PPM1H: variants seen among roughly 807,000 people sequenced by gnomAD.
The protein encoded by PPM1H is protein phosphatase 1H.
Under a neutral mutation model 54.9 loss-of-function variants are expected in PPM1H, and 27 were observed. The observed-to-expected ratio is 0.49, with a 90% CI of 0.36 to 0.68. The LOEUF (loss-of-function observed/expected upper bound fraction) is 0.68, where lower values mean the gene tolerates loss of function less well. PPM1H is among the 30% of genes least tolerant of loss of function. The probability of loss-of-function intolerance (pLI) is 0.00; values close to 1 mark genes in which losing one functional copy is unlikely to be tolerated. For synonymous variants in PPM1H, 305 were observed against 270.8 expected, an observed-to-expected ratio of 1.13 and a Z score of -1.24; for missense variants, 596 against 667.8, an observed-to-expected ratio of 0.89 and a Z score of 1.19.
At chr12:62,910,725 C>T (rs576707370) in intron 1 of PPM1H, among the ~76,000 whole-genome samples, 1 of 152,288 alleles carries the variant, frequency 6.6e-6, no homozygotes, top group African/African-American at 2.4e-5. Context: ...ACGGTCACCA[C>T]CTCCTGCCTG....
chr12:62,658,125 G>C (rs1565746885), intron 9 of PPM1H, among the ~76,000 whole-genome samples: 2 of 147,036 alleles, frequency 1.4e-5, no homozygotes, highest in African/African-American at 5.0e-5. Flanking sequence ...CCAGCACTTT[G>C]GGAGGCCAAG....
At position 62,726,675 on chromosome 12, in the gene PPM1H, C is replaced by T. The variant is rs542724853; in HGVS notation, c.955-6386G>A. Among the ~76,000 whole-genome samples, 9 of 152,256 alleles carry T rather than the reference C, an allele frequency of 5.9e-5. No homozygotes were observed. In the South Asian group the frequency reaches 1.7e-3, roughly 28 times the overall value. ...AGCGCAGAGATGTTTTGTCCGCAAA[C>T]GCAGAGTGGCCAAACAACTTGGTGA... On this transcript the variant is annotated intron_variant, in intron 5 of 9. Transcript: ENST00000228705.
At chr12:62,697,330 C>T (rs1483037746) in intron 6 of PPM1H, among the ~76,000 whole-genome samples, 1 of 152,098 alleles carries the variant, frequency 6.6e-6, no homozygotes, top group Non-Finnish European at 1.5e-5. Context: ...GTTGACCAGG[C>T]TGGTCCTGAA....
At position 62,645,134 on chromosome 12, in the gene PPM1H, T is replaced by TACTA. The variant is rs1187610236; in HGVS notation, c.*3351_*3354dup. The TACTA allele has an allele frequency of 4.6e-5, 7 of 152,320 alleles. No individual in the cohort carries two copies. The East Asian group carries it at 1.4e-3, about 29-fold the overall frequency. 9.4% of individuals were successfully genotyped at this position (152,320 alleles called of 1,614,324 possible). ...GGGAGATTTGTCCCTAATGTTTTCA[T>TACTA]ACTAGTGCTCTTGTTAAATGGAAAA... On this transcript the variant is annotated 3_prime_UTR_variant, in exon 10 of 10. Transcript: ENST00000228705.
At chr12:62,774,693 A>C (rs1466725551) in intron 4 of PPM1H, among the ~76,000 whole-genome samples, 1 of 152,174 alleles carries the variant, frequency 6.6e-6, no homozygotes, top group Non-Finnish European at 1.5e-5. Flanking sequence ...ATAATGATTG[A>C]AAGTTTTGAC....
intron 5 of PPM1H, among the ~76,000 whole-genome samples, chr12:62,736,451 C>T (rs994601672): frequency 1.3e-5 from 2 of 152,156 alleles, no homozygotes; most frequent in Non-Finnish European, 2.9e-5. Context: ...TAGAAAGCAA[C>T]AGTAGGTGAA....
chr12:62,737,151 G>A (rs2076353826), intron 5 of PPM1H, among the ~76,000 whole-genome samples: 2 of 151,290 alleles, frequency 1.3e-5, no homozygotes, highest in African/African-American at 4.9e-5. Flanking sequence ...AAAGTGAGTA[G>A]CGGGCCATGG....
At chr12:62,723,968 T>C (rs1284656677) in intron 5 of PPM1H, among the ~76,000 whole-genome samples, 1 of 152,100 alleles carries the variant, frequency 6.6e-6, no homozygotes. Flanking sequence ...AAGCAAGCCA[T>C]GAGACCTAGC....
chr12:62,798,296 A>C (rs1400973719), intron 3 of PPM1H, among the ~76,000 whole-genome samples: 1 of 152,210 alleles, frequency 6.6e-6, no homozygotes, highest in Admixed American at 6.5e-5. Flanking sequence ...GGGGCTCTGG[A>C]AATCAATAAA....
intron 1 of PPM1H, among the ~76,000 whole-genome samples, chr12:62,890,751 CACACAT>C (rs768614835): frequency 1.0e-3 from 147 of 140,402 alleles, no homozygotes; most frequent in Non-Finnish European, 1.8e-3. Flanking sequence ...CACACACACA[CACACAT>C]ATATATATAT....
intron 5 of PPM1H, among the ~76,000 whole-genome samples, chr12:62,725,542 T>C (rs532035810): frequency 2.0e-5 from 3 of 152,360 alleles, no homozygotes; most frequent in East Asian, 3.9e-4. Context: ...TCTCCATGAC[T>C]GTCCAGTCTT....
chr12:62,704,849 T>A (rs1426224858), intron 6 of PPM1H, among the ~76,000 whole-genome samples: 1 of 152,204 alleles, frequency 6.6e-6, no homozygotes, highest in Non-Finnish European at 1.5e-5. Flanking sequence ...TTGGTAGGTT[T>A]AACCAACAGT....
At chr12:62,818,937 C>T (rs2076886098) in intron 2 of PPM1H, among the ~76,000 whole-genome samples, 2 of 150,510 alleles carry the variant, frequency 1.3e-5, no homozygotes, top group Admixed American at 6.6e-5. Flanking sequence ...TCTCCTGCCT[C>T]AGACTCCCAA....
At chr12:62,893,166 A>G (rs1870859691) in intron 1 of PPM1H, among the ~76,000 whole-genome samples, 1 of 152,164 alleles carries the variant, frequency 6.6e-6, no homozygotes, top group Non-Finnish European at 1.5e-5. Flanking sequence ...CAGAGATCGT[A>G]TGGGCCCCAA....
chr12:62,815,608 A>AAAC, intron 2 of PPM1H, among the ~76,000 whole-genome samples: 1 of 152,324 alleles, frequency 6.6e-6, no homozygotes, highest in Non-Finnish European at 1.5e-5. Flanking sequence ...CCACTATTAG[A>AAAC]AACAACAACA....
In PPM1H at chr12:62,907,985, C is replaced by T. The variant is rs148018372; in HGVS notation, c.245+26507G>A. On this transcript the variant is annotated intron_variant, in intron 1 of 9. Transcript: ENST00000228705. ...TAAGATAATTTTTAAAAGCTCAAGG[C>T]AGAAAAGAAATTAACATTCCCTTTA... Among the ~76,000 whole-genome samples the T allele has an allele frequency of 2.7e-3, 411 of 152,272 alleles. 1 individual carries two copies. Among genetic ancestry groups the T allele is most frequent in the Non-Finnish European group, 4.7e-3 (321 of 68,016 alleles).
chr12:62,847,819 C>G (rs925586606), intron 1 of PPM1H, among the ~76,000 whole-genome samples: 3 of 152,066 alleles, frequency 2.0e-5, no homozygotes, highest in Non-Finnish European at 4.4e-5. Flanking sequence ...AGACAGTAAG[C>G]TGTTCAGAAA....
chr12:62,648,731 G>GAAACT, intron 9 of PPM1H, 95 bp from the exon 10 acceptor site: 2 of 1,336,166 alleles, frequency 1.5e-6, no homozygotes, highest in South Asian at 2.8e-5. Flanking sequence ...CACTACAGTT[G>GAAACT]TATAAATAAG....
At chr12:62,703,505 G>C (rs562061711) in intron 6 of PPM1H, among the ~76,000 whole-genome samples, 1 of 152,008 alleles carries the variant, frequency 6.6e-6, no homozygotes, top group South Asian at 2.1e-4. Context: ...CATTCCACAG[G>C]GGCTGGTTGG....
Sources: allele counts gnomAD v4.1 joint callset (sites outside exome capture counted in the v4.1 genomes callset), GRCh38; gene constraint gnomAD v4.1.1; transcripts MANE v1.5; gene names NCBI Gene and HGNC (gene_info 2026-07-23, HGNC 2026-07-21).